PTPRO: variants seen among roughly 807,000 people sequenced by gnomAD.
PTPRO encodes the protein protein tyrosine phosphatase receptor type O.
PTPRO carries 62 observed loss-of-function variants against 145.2 expected under a neutral mutation model. That is an observed-to-expected ratio of 0.43 (90% CI 0.35 to 0.53). PTPRO has a LOEUF of 0.53. PTPRO is among the 20% of genes least tolerant of loss of function. PTPRO has a pLI of 0.01. For missense variants in PTPRO, 1,345 were observed against 1,482.7 expected (o/e 0.91, Z 1.53); for synonymous variants, 565 against 514.7 (o/e 1.10, Z -1.32).
At chr12:15,378,061 G>A (rs1242451020) in intron 1 of PTPRO, among the ~76,000 whole-genome samples, 1 of 151,764 alleles carries the variant, frequency 6.6e-6, no homozygotes, top group Non-Finnish European at 1.5e-5. Context: ...TAAAACAATA[G>A]CCTAATCTTC....
At chr12:15,367,509 T>C (rs564085662) in intron 1 of PTPRO, among the ~76,000 whole-genome samples, 16 of 152,326 alleles carry the variant, frequency 1.1e-4, no homozygotes, top group Admixed American at 2.6e-4. Flanking sequence ...GTAATATCTA[T>C]TTTTTTCAGA....
intron 1 of PTPRO, among the ~76,000 whole-genome samples, chr12:15,333,655 G>A (rs1034387104): frequency 3.3e-5 from 5 of 152,158 alleles, no homozygotes; most frequent in South Asian, 2.1e-4. Context: ...TCAGGCAGGC[G>A]CCACTGAGTC....
At chr12:15,377,820 C>A (rs991000874) in intron 1 of PTPRO, among the ~76,000 whole-genome samples, 1 of 151,878 alleles carries the variant, frequency 6.6e-6, no homozygotes, top group African/African-American at 2.4e-5. Flanking sequence ...AAAATAAAAT[C>A]GGAAACCAAT....
chr12:15,545,970 G>A (rs182491882), intron 12 of PTPRO, among the ~76,000 whole-genome samples: 2 of 150,556 alleles, frequency 1.3e-5, no homozygotes, highest in South Asian at 2.1e-4. Flanking sequence ...AGCTGTGTTC[G>A]CACTACTGCA....
intron 4 of PTPRO, 121 bp from the exon 5 acceptor site, chr12:15,501,499 C>G: frequency 1.1e-6 from 1 of 906,826 alleles, no homozygotes; most frequent in Non-Finnish European, 1.7e-6. Context: ...GTCTGTGTAT[C>G]AGAAGTAAAA....
At chr12:15,423,807 A>C (rs1940210376) in intron 1 of PTPRO, among the ~76,000 whole-genome samples, 1 of 152,202 alleles carries the variant, frequency 6.6e-6, no homozygotes, top group Admixed American at 6.5e-5. Context: ...TCAATATCCT[A>C]ATTACTTCCC....
intron 24 of PTPRO, among the ~76,000 whole-genome samples, chr12:15,588,778 G>T (rs1313306614): frequency 6.6e-6 from 1 of 152,168 alleles, no homozygotes; most frequent in East Asian, 1.9e-4. Flanking sequence ...AAAAGACAGG[G>T]TATTGTTTAT....
intron 1 of PTPRO, among the ~76,000 whole-genome samples, chr12:15,440,910 T>C (rs1940747240): frequency 6.6e-6 from 1 of 152,150 alleles, no homozygotes; most frequent in Non-Finnish European, 1.5e-5. Flanking sequence ...CACACAATAA[T>C]GGTAGGGGTC....
Position 15,576,700 on chromosome 12 carries a change from G to A in PTPRO, c.2830-2153G>A, listed in dbSNP as rs146517731. Among the ~76,000 whole-genome samples, 13 of 152,274 alleles carry A rather than the reference G, an allele frequency of 8.5e-5. No individual in the cohort carries two copies. The East Asian group carries it at 1.2e-3, about 14-fold the overall frequency. On this transcript the variant is annotated intron_variant, in intron 19 of 26. Coordinates refer to ENST00000281171, the MANE Select transcript of PTPRO (RefSeq NM_030667.3). ...CATCAATAGTGCTGTATTAGTATTT[G>A]TTGAGTTAAATTATTCCATTTGATA...
At chr12:15,565,431 T>A (rs1040698271) in intron 17 of PTPRO, 162 bp from the exon 18 acceptor site, 1 of 526,780 alleles carries the variant, frequency 1.9e-6, no homozygotes, top group African/African-American at 1.9e-5. Flanking sequence ...ATTATTATTA[T>A]CTTCTCATGT....
intron 17 of PTPRO, chr12:15,565,221 C>T (rs1348681132): frequency 6.0e-6 from 1 of 166,450 alleles, no homozygotes; most frequent in Non-Finnish European, 1.3e-5. Context: ...CCATTTATTC[C>T]CCCATTCTTC....
chr12:15,458,384 C>G (rs1051670886), intron 1 of PTPRO, among the ~76,000 whole-genome samples: 2 of 152,016 alleles, frequency 1.3e-5, no homozygotes, highest in African/African-American at 4.8e-5. Flanking sequence ...CTTTTTTCCT[C>G]CAGATTTGGG....
chr12:15,497,445 T>G, intron 3 of PTPRO, 42 bp downstream of exon 3: 1 of 1,591,052 alleles, frequency 6.3e-7, no homozygotes. Context: ...TGACCCTCAC[T>G]TTTTACAAAG....
At chr12:15,471,911 C>T (rs368116622) in intron 1 of PTPRO, among the ~76,000 whole-genome samples, 14 of 152,078 alleles carry the variant, frequency 9.2e-5, no homozygotes, top group Admixed American at 5.2e-4. Flanking sequence ...AGTGTAGCCC[C>T]GGGACTCTGA....
chr12:15,565,568 T>G (rs1943876676), intron 17 of PTPRO, 25 bp from the exon 18 acceptor site: 1 of 1,413,064 alleles, frequency 7.1e-7, no homozygotes, highest in South Asian at 1.2e-5. Context: ...CCAGATAAAT[T>G]TGTCTTTTCT....
intron 12 of PTPRO, 198 bp from the exon 13 acceptor site, chr12:15,546,371 G>T: frequency 7.1e-7 from 1 of 1,415,138 alleles, no homozygotes; most frequent in Non-Finnish European, 9.2e-7. Flanking sequence ...AATGGAAGGG[G>T]GAAAAGGCAA....
chr12:15,524,702 G>C (rs910504476), intron 10 of PTPRO, 112 bp from the exon 11 acceptor site: 4 of 1,152,624 alleles, frequency 3.5e-6, no homozygotes, highest in Non-Finnish European at 5.1e-6. Context: ...ACTATCGTGT[G>C]CTGTGAATTC....
At chr12:15,526,354 A>C in intron 12 of PTPRO, 92 bp downstream of exon 12, 1 of 1,541,368 alleles carries the variant, frequency 6.5e-7, no homozygotes, top group Non-Finnish European at 8.9e-7. Context: ...TGAAATAATA[A>C]CAGAAAAATG....
intron 1 of PTPRO, among the ~76,000 whole-genome samples, chr12:15,481,973 A>T (rs1167047873): frequency 6.6e-6 from 1 of 152,122 alleles, no homozygotes; most frequent in Non-Finnish European, 1.5e-5. Flanking sequence ...CTAAAAATAG[A>T]ACTACCATAT....
Sources: gnomAD v4.1 joint callset for allele counts (sites outside exome capture counted in the v4.1 genomes callset) on GRCh38, gnomAD v4.1.1 for gene constraint, MANE v1.5 for transcripts, NCBI Gene and HGNC (gene_info 2026-07-23, HGNC 2026-07-21) for gene names.